EPB41L3: variants seen among roughly 807,000 people sequenced by gnomAD.
The protein encoded by EPB41L3 is band 4.1-like protein 3.
In EPB41L3, 57 loss-of-function variants were observed where a neutral mutation model predicts 127.1. The ratio of observed to expected loss-of-function variants is 0.45; its 90% CI spans 0.36 to 0.56. The LOEUF is 0.56. Among genes scored for constraint, EPB41L3 ranks in the 20% least tolerant of loss-of-function variants. The pLI is 0.00. For synonymous variants in EPB41L3, 572 were observed against 549.5 expected (o/e 1.04, Z -0.57); for missense variants, 1,273 against 1,372.2 (o/e 0.93, Z 1.14).
At chr18:5,598,068 G>A (rs1257006903) in intron 3 of EPB41L3, among the ~76,000 whole-genome samples, 2 of 152,186 alleles carry the variant, frequency 1.3e-5, no homozygotes, top group South Asian at 2.1e-4. Context: ...AGACTTGAAA[G>A]TAGGCCTCAT....
chr18:5,558,606 A>C (rs538211838), intron 3 of EPB41L3, among the ~76,000 whole-genome samples: 2 of 152,314 alleles, frequency 1.3e-5, no homozygotes, highest in South Asian at 4.1e-4. Flanking sequence ...GTCAGAGTTG[A>C]GTTTAAACCA....
chr18:5,475,530 C>T (rs962036669), intron 3 of EPB41L3, among the ~76,000 whole-genome samples: 1 of 152,218 alleles, frequency 6.6e-6, no homozygotes, highest in Non-Finnish European at 1.5e-5. Flanking sequence ...TCCACGGAAA[C>T]AGCCTGTGAT....
chr18:5,621,648 G>C (rs967846091), intron 1 of EPB41L3, among the ~76,000 whole-genome samples: 3 of 152,194 alleles, frequency 2.0e-5, no homozygotes, highest in African/African-American at 7.2e-5. Flanking sequence ...GGCTGAGGCA[G>C]GAGAATCACT....
chr18:5,467,836 G>C (rs1424607799), intron 3 of EPB41L3, among the ~76,000 whole-genome samples: 1 of 152,214 alleles, frequency 6.6e-6, no homozygotes, highest in Non-Finnish European at 1.5e-5. Flanking sequence ...GCTGTAGCAG[G>C]GGAGGCGCGG....
chr18:5,447,735 C>T (rs1488450190), intron 3 of EPB41L3, among the ~76,000 whole-genome samples: 3 of 152,110 alleles, frequency 2.0e-5, no homozygotes, highest in Non-Finnish European at 2.9e-5. Context: ...CTTTGCCTAA[C>T]AAGAGGCATG....
At chr18:5,504,590 GAA>G (rs903695349) in intron 1 of EPB41L3, among the ~76,000 whole-genome samples, 1 of 152,088 alleles carries the variant, frequency 6.6e-6, no homozygotes, top group East Asian at 1.9e-4. Context: ...ACACTGGTTG[GAA>G]AAAGAGTATA....
intron 1 of EPB41L3, among the ~76,000 whole-genome samples, chr18:5,511,346 G>A (rs903760501): frequency 2.7e-5 from 4 of 146,420 alleles, no homozygotes; most frequent in South Asian, 4.4e-4. Context: ...GATGGTTAAA[G>A]GTCCCAAGTC....
chr18:5,416,385 TGAAAGAGACA>T lies in EPB41L3; in HGVS notation c.1507-17_1507-8del, dbSNP rs762089110. ...CAGTGCCAAGCCCAGGTGACTGATG[TGAAAGAGACA>T]GAAAGAGACAGAAAGCAGCAAACAG... On this transcript the variant is annotated splice_polypyrimidine_tract_variant and splice_region_variant and intron_variant, in intron 12 of 22. Transcript: ENST00000341928. The T allele has an allele frequency of 1.2e-5, 19 of 1,604,236 alleles. No individual in the cohort carries two copies. The highest frequency in any genetic ancestry group is 2.2e-5 in the East Asian group (1 of 44,720).
intron 3 of EPB41L3, among the ~76,000 whole-genome samples, chr18:5,557,394 T>C (rs1254058259): frequency 6.6e-6 from 1 of 152,238 alleles, no homozygotes; most frequent in Non-Finnish European, 1.5e-5. Flanking sequence ...GTTTTGTTTT[T>C]GTTTTTTGAG....
At chr18:5,449,525 C>T (rs1277759628) in intron 3 of EPB41L3, among the ~76,000 whole-genome samples, 1 of 148,516 alleles carries the variant, frequency 6.7e-6, no homozygotes, top group African/African-American at 2.4e-5. Flanking sequence ...AACTTGCACA[C>T]AAATGTTTAT....
rs372530357 is a variant in EPB41L3 at position 5,432,754 on chromosome 18, T to C, written c.912+715A>G. On this transcript the variant is annotated intron_variant, in intron 8 of 22. Transcript: ENST00000341928. The stretch of plus-strand genomic sequence containing the variant: ...CTACAGTCTCAACCCAAATTCTTTG[T>C]ACCCAAGACTCCATTCCCAAGATAC... Among the ~76,000 whole-genome samples, 7 of 152,296 alleles carry C rather than the reference T, an allele frequency of 4.6e-5. No individual in the cohort carries two copies. The South Asian group carries it at 6.2e-4, about 14-fold the overall frequency.
At chr18:5,622,136 T>C (rs2094870134) in intron 1 of EPB41L3, among the ~76,000 whole-genome samples, 2 of 152,118 alleles carry the variant, frequency 1.3e-5, no homozygotes, top group African/African-American at 4.8e-5. Flanking sequence ...ATTTTTTAAA[T>C]CATCAAAAAG....
intron 1 of EPB41L3, among the ~76,000 whole-genome samples, chr18:5,497,063 TGCAGATACGCA>T (rs1401265568): frequency 6.6e-6 from 1 of 152,184 alleles, no homozygotes; most frequent in African/African-American, 2.4e-5. Context: ...ATCTGCCATA[TGCAGATACGCA>T]CAGTGGCGAT....
At chr18:5,499,037 T>G (rs569691845) in intron 1 of EPB41L3, among the ~76,000 whole-genome samples, 57 of 152,358 alleles carry the variant, frequency 3.7e-4, no homozygotes, top group African/African-American at 1.3e-3. Flanking sequence ...ATAAGCCATG[T>G]GTGATGGTGT....
chr18:5,465,867 G>A (rs1044158150), intron 3 of EPB41L3, among the ~76,000 whole-genome samples: 6 of 151,734 alleles, frequency 4.0e-5, no homozygotes, highest in South Asian at 2.1e-4. Context: ...TGAAATTCCT[G>A]TAGATATTCA....
chr18:5,608,636 T>G (rs2094690468), intron 3 of EPB41L3, among the ~76,000 whole-genome samples: 1 of 152,102 alleles, frequency 6.6e-6, no homozygotes, highest in South Asian at 2.1e-4. Flanking sequence ...CATAATCAAT[T>G]TAAAGGGGGT....
intron 3 of EPB41L3, among the ~76,000 whole-genome samples, chr18:5,609,271 T>C (rs1394522793): frequency 6.6e-6 from 1 of 152,184 alleles, no homozygotes; most frequent in African/African-American, 2.4e-5. Context: ...AAGAAAAGTA[T>C]AGAAGATAAT....
At chr18:5,493,650 C>T (rs1401674811) in intron 1 of EPB41L3, among the ~76,000 whole-genome samples, 1 of 152,186 alleles carries the variant, frequency 6.6e-6, no homozygotes, top group African/African-American at 2.4e-5. Context: ...CTGTTGGTCT[C>T]ACTTTCCACT....
chr18:5,525,454 A>G (rs1197022741), intron 1 of EPB41L3, among the ~76,000 whole-genome samples: 7 of 152,192 alleles, frequency 4.6e-5, no homozygotes, highest in Non-Finnish European at 7.4e-5. Context: ...CATAAATCCA[A>G]TGAGGCTAGT....
Sources: allele counts gnomAD v4.1 joint callset (sites outside exome capture counted in the v4.1 genomes callset), GRCh38; gene constraint gnomAD v4.1.1; transcripts MANE v1.5; gene names NCBI Gene and HGNC (gene_info 2026-07-23, HGNC 2026-07-21).